The following PSG7 variants were observed in gnomAD, a reference collection of about 807,000 sequenced individuals.
PSG7 encodes pregnancy-specific beta-1-glycoprotein 7.
In PSG7, 57 loss-of-function variants were observed where a neutral mutation model predicts 45.6. That is an observed-to-expected ratio of 1.25 (90% confidence interval 1.01 to 1.56). The LOEUF (loss-of-function observed/expected upper bound fraction) is 1.56, where lower values mean the gene tolerates loss of function less well. Ranked by LOEUF, PSG7 falls within the 40% of genes most tolerant of loss-of-function variation. The probability of loss-of-function intolerance (pLI) is 0.00; values close to 1 mark genes in which losing one functional copy is unlikely to be tolerated. For synonymous variants in PSG7, 298 were observed against 194.4 expected (o/e 1.53, Z -4.43); for missense variants, 796 against 508.4 (o/e 1.57, Z -5.44).
intron 2 of PSG7, among the ~76,000 whole-genome samples, chr19:42,933,286 TATATATATATATATATATA>T (rs1199352814): frequency 2.9e-4 from 3 of 10,346 alleles, no homozygotes; most frequent in Non-Finnish European, 5.5e-4. Context: ...TATATATATA[TATATATATATATATATATA>T]TATTTTTTTT....
At chr19:42,935,831 C>T (rs1457908932) in intron 1 of PSG7, 62 bp from the exon 2 acceptor site, 4 of 1,542,196 alleles carry the variant, frequency 2.6e-6, no homozygotes, top group South Asian at 1.3e-5. Flanking sequence ...AAAAGATGGG[C>T]CCCTGGGTCC....
At position 42,933,265 on chromosome 19, in the gene PSG7, CAATA is replaced by C. The variant is rs1242703384; in HGVS notation, c.430+2135_430+2138del. ...CATTCTTTACTACAAATCACCATTT[CAATA>C]TATATATATATATATATATATATAT... On this transcript the variant is annotated intron_variant, in intron 2 of 5. Coordinates refer to ENST00000406070, the MANE Select transcript of PSG7 (RefSeq NM_002783.3). 7.2e-4 allele frequency among the ~76,000 whole-genome samples: 22 copies of C among 30,364 alleles called. 1 individual carries two copies. Among genetic ancestry groups the C allele is most frequent in the Admixed American group, 1.3e-3 (2 of 1,524 alleles). 19.9% of individuals were successfully genotyped at this position (30,364 alleles called of 152,430 possible). A position where few individuals can be genotyped will look rare whatever the true frequency, so the allele number is the denominator to read the frequency against.
At position 42,929,609 on chromosome 19, in the gene PSG7, C is replaced by G; in HGVS notation, c.542G>C (p.Trp181Ser). The part of the protein sequence containing the change: ...PETPDASYLW[W>S]MNGQSLPMTH... ...CATAGGGAGGCTCTGACCATTCATC[C>G]ACCACAGGTAGCTTGCATCTGGAGT... Residue 181 changes from tryptophan to serine, a missense_variant, in exon 3 of 6, where the codon TGG becomes TCG. Coordinates refer to ENST00000406070, the MANE Select transcript of PSG7 (RefSeq NM_002783.3). 6.2e-7 allele frequency: 1 copy of G among 1,612,574 alleles called. No homozygotes were observed. Among genetic ancestry groups the G allele is most frequent in the Non-Finnish European group, 8.5e-7 (1 of 1,179,252 alleles).
At chr19:42,932,514 T>C (rs1367081066) in intron 2 of PSG7, among the ~76,000 whole-genome samples, 1 of 151,348 alleles carries the variant, frequency 6.6e-6, no homozygotes, top group East Asian at 1.9e-4. Context: ...AATGAGCCCA[T>C]GGGCTTTGGG....
intron 2 of PSG7, among the ~76,000 whole-genome samples, chr19:42,931,410 A>G (rs1267830015): frequency 2.6e-5 from 4 of 151,576 alleles, no homozygotes; most frequent in Non-Finnish European, 5.9e-5. Flanking sequence ...TCAGTGCATC[A>G]ATTACATAAA....
chr19:42,931,816 C>G (rs898902831), intron 2 of PSG7, among the ~76,000 whole-genome samples: 1 of 151,438 alleles, frequency 6.6e-6, no homozygotes, highest in Non-Finnish European at 1.5e-5. Flanking sequence ...GTAGTTGTCC[C>G]ACAACTACAA....
chr19:42,925,903 C>A lies in PSG7; in HGVS notation c.1113G>T (p.Lys371Asn). Residue 371 changes from lysine to asparagine, a missense_variant, in exon 5 of 6, where the codon AAG (lysine) becomes AAT (asparagine). Coordinates refer to ENST00000406070, the MANE Select transcript of PSG7 (RefSeq NM_002783.3). Reference sequence around the variant, plus strand: ...AAAGCTTTTGTCCTGATAGCTGAAACTTCCCATTAATTGTCCAAGAATACT... The same window carrying A: ...AAAGCTTTTGTCCTGATAGCTGAAAATTCCCATTAATTGTCCAAGAATACT... ...PAQYSWTING[K>N]FQLSGQKLSI... The A allele has an allele frequency of 6.2e-7, 1 of 1,612,198 alleles. No individual in the cohort carries two copies.
rs2122704810 is a variant in PSG7, at chr19:42,937,055, G to A, written c.22C>T (p.Pro8Ser). Reference sequence around the variant, plus strand: ...TTCCAGGTTATATGCTGTGTGCAGGGAGGGGCTGAGAGGGGCCCCATGGTC... The same window carrying A: ...TTCCAGGTTATATGCTGTGTGCAGGAAGGGGCTGAGAGGGGCCCCATGGTC... Reference protein sequence around the residue: MGPLSAPPCTQHITWKGL... With the variant: MGPLSAPSCTQHITWKGL... Residue 8 changes from proline to serine, a missense_variant, in exon 1 of 6, where the codon CCC (proline) becomes TCC (serine). Pro to Ser is a moderately conservative substitution (Grantham distance 74). Coordinates refer to ENST00000406070, the MANE Select transcript of PSG7 (RefSeq NM_002783.3). 6.8e-6 allele frequency: 11 copies of A among 1,611,436 alleles called. No homozygotes were observed. The highest frequency in any genetic ancestry group is 2.2e-5 in the South Asian group (2 of 90,790).
chr19:42,936,712 A>T (rs191526065), intron 1 of PSG7, among the ~76,000 whole-genome samples: 1 of 150,994 alleles, frequency 6.6e-6, no homozygotes, highest in Non-Finnish European at 1.5e-5. Flanking sequence ...CAGTGGTGCT[A>T]TCTCGGCTAG....
In PSG7 at chr19:42,925,844, A is replaced by G. The variant is rs769904974; in HGVS notation, c.1172T>C (p.Leu391Pro). Residue 391 changes from leucine to proline, a missense_variant, in exon 5 of 6, where the codon CTC (leucine) becomes CCC (proline). Coordinates refer to ENST00000406070, the MANE Select transcript of PSG7 (RefSeq NM_002783.3). ...IPQITTKHSG[L>P]YACSVRNSAT... ...TGAGTTACGAACAGAGCAAGCATAG[A>G]GCCCGCTATGCTTTGTAGTAATCTG... 7 of 1,612,042 alleles carry G rather than the reference A, an allele frequency of 4.3e-6. 1 individual carries two copies. In the South Asian group the frequency reaches 7.7e-5, roughly 18 times the overall value.
At chr19:42,932,064 C>T (rs1400920409) in intron 2 of PSG7, among the ~76,000 whole-genome samples, 3 of 151,280 alleles carry the variant, frequency 2.0e-5, no homozygotes, top group Non-Finnish European at 4.4e-5. Context: ...CTCTTTGTCA[C>T]CCAGGCTGGA....
In PSG7 at chr19:42,935,659, G is replaced by A. The variant is rs782418664; in HGVS notation, c.175C>T (p.Pro59Ser). The A allele has an allele frequency of 6.2e-7, 1 of 1,612,098 alleles. No individual in the cohort carries two copies. Among genetic ancestry groups the A allele is most frequent in the South Asian group, 1.1e-5 (1 of 90,802 alleles). ...CAGATGTAGCCAGTAAGATTCTGGG[G>A]CAAATTGTGGACAAGTAGAAGAACA... The part of the protein sequence containing the change: ...KDVLLLVHNL[P>S]QNLTGYIWYK... The change falls in exon 2 of 6, where the codon CCC (proline) becomes TCC (serine). Residue 59 changes from proline (P) to serine (S), a missense_variant. Coordinates refer to ENST00000406070, the MANE Select transcript of PSG7 (RefSeq NM_002783.3).
At chr19:42,933,313 T>A (rs1411002867) in intron 2 of PSG7, among the ~76,000 whole-genome samples, 101 of 49,370 alleles carry the variant, frequency 2.0e-3, no homozygotes, top group Admixed American at 3.2e-3. Context: ...ATATATTTTT[T>A]TTTTTTTTTG....
At chr19:42,926,236 G>C in intron 4 of PSG7, 2 of 1,371,112 alleles carry the variant, frequency 1.5e-6, no homozygotes, top group East Asian at 4.9e-5. Flanking sequence ...TGACAAGAGC[G>C]TCCACTCCCC....
chr19:42,933,556 T>A (rs888582123), intron 2 of PSG7, among the ~76,000 whole-genome samples: 1 of 149,700 alleles, frequency 6.7e-6, no homozygotes, highest in African/African-American at 2.5e-5. Flanking sequence ...CTTTCCTATT[T>A]CCTGGGAGGT....
chr19:42,924,422 T>A lies in PSG7; in HGVS notation c.*386A>T, dbSNP rs966398189. On this transcript the variant is annotated 3_prime_UTR_variant, in exon 6 of 6. Coordinates refer to ENST00000406070, the MANE Select transcript of PSG7 (RefSeq NM_002783.3). Reference sequence around the variant, plus strand: ...GGTTGAGATGACATATCTGACACTCTGTTGTTACCCTCAGAAGCTCCTATA... The same window carrying A: ...GGTTGAGATGACATATCTGACACTCAGTTGTTACCCTCAGAAGCTCCTATA... The A allele has an allele frequency of 1.7e-5, 8 of 471,488 alleles. No individual in the cohort carries two copies. The Admixed American group carries it at 2.9e-4, about 17-fold the overall frequency. 29.2% of individuals were successfully genotyped at this position (471,488 alleles called of 1,614,324 possible).
rs1332419997 is a variant in PSG7 at position 42,926,603 on chromosome 19, G to T, written c.823C>A (p.Leu275Ile). ...CTGACCGGGAGGCTCTGACCATTTA[G>T]CCACCAAATGTAGGTGTAGTTCTCA... ...KSENYTYIWW[L>I]NGQSLPVSPR... Residue 275 changes from leucine to isoleucine, a missense_variant, in exon 4 of 6, where the codon CTA becomes ATA. Transcript: ENST00000406070. 6.2e-7 allele frequency: 1 copy of T among 1,610,284 alleles called. No homozygotes were observed. The highest frequency in any genetic ancestry group is 1.1e-5 in the South Asian group (1 of 90,526).
At chr19:42,934,392 G>A (rs1973100487) in intron 2 of PSG7, among the ~76,000 whole-genome samples, 1 of 151,386 alleles carries the variant, frequency 6.6e-6, no homozygotes, top group South Asian at 2.1e-4. Flanking sequence ...TGGTGGAGGA[G>A]AGGATGGGCC....
rs1262598260 is a variant in PSG7, at chr19:42,925,272, G to T, written c.1244-448C>A. On this transcript the variant is annotated intron_variant, in intron 5 of 5. Transcript: ENST00000406070. The stretch of plus-strand genomic sequence containing the variant: ...TGTCCTGTTACAAAGAGAGCAGGTT[G>T]TTACTCTGTTTGTGCAAATATCTGT... 6 of 305,112 alleles carry T rather than the reference G, an allele frequency of 2.0e-5. No individual in the cohort carries two copies. In the East Asian group the frequency reaches 4.3e-4, roughly 22 times the overall value. 18.9% of individuals were successfully genotyped at this position (305,112 alleles called of 1,614,324 possible). A position where few individuals can be genotyped will look rare whatever the true frequency, so the allele number is the denominator to read the frequency against.
Sources: allele counts gnomAD v4.1 joint callset (sites outside exome capture counted in the v4.1 genomes callset), GRCh38; gene constraint gnomAD v4.1.1; transcripts MANE v1.5; gene names NCBI Gene and HGNC (gene_info 2026-07-23, HGNC 2026-07-21).